FLII: variants seen among roughly 807,000 people sequenced by gnomAD.
The protein encoded by FLII is FLII actin remodeling protein, also known as protein flightless-1 homolog.
A neutral mutation model predicts 156.2 loss-of-function variants in FLII; 101 were observed. That is an observed-to-expected ratio of 0.65 (90% CI 0.55 to 0.76). FLII has a LOEUF of 0.76. Ranked by LOEUF, FLII falls within the 30% of genes least tolerant of loss-of-function variation. FLII has a pLI of 0.00. For synonymous variants in FLII, 767 were observed against 685.8 expected (o/e 1.12, Z -1.85); for missense variants, 1,675 against 1,682.8 (o/e 1.00, Z 0.08).
In FLII at chr17:18,254,195, CGTG is replaced by C; in HGVS notation, c.576-16_576-14del. The C allele has an allele frequency of 6.3e-7, 1 of 1,589,670 alleles. No homozygotes were observed. The highest frequency in any genetic ancestry group is 8.6e-7 in the Non-Finnish European group (1 of 1,167,548). Reference sequence around the variant, plus strand: ...CGCTGGGAGCTGCCTGCCAGGGTGACGTGAGTGGTCAGGGCCAGGGCCCACCTA... The same window carrying C: ...CGCTGGGAGCTGCCTGCCAGGGTGACAGTGGTCAGGGCCAGGGCCCACCTA... On this transcript the variant is annotated splice_polypyrimidine_tract_variant and intron_variant, in intron 6 of 29. Coordinates refer to ENST00000327031, the MANE Select transcript of FLII (RefSeq NM_002018.4).
intron 10 of FLII, 149 bp from the exon 11 acceptor site, chr17:18,252,295 G>T: frequency 1.1e-6 from 1 of 913,724 alleles, no homozygotes; most frequent in Non-Finnish European, 1.7e-6. Flanking sequence ...GGCTGGCTGG[G>T]GGCTTAAATG....
In FLII at chr17:18,245,834, T is replaced by G. The variant is rs932189279; in HGVS notation, c.3413A>C (p.Glu1138Ala). The G allele has an allele frequency of 5.6e-6, 9 of 1,613,958 alleles. No homozygotes were observed. The highest frequency in any genetic ancestry group is 5.1e-6 in the Non-Finnish European group (6 of 1,179,950). Reference sequence around the variant, plus strand: ...CACCCAGAAGAAGTTCTCAGGCTCCTCACCTTCGTTGATAACCTGCGGGAA... The same window carrying G: ...CACCCAGAAGAAGTTCTCAGGCTCCGCACCTTCGTTGATAACCTGCGGGAA... ...SYSKQVINEG[E>A]EPENFFWVGI... Residue 1138 changes from glutamate (E) to alanine (A), a missense_variant, in exon 27 of 30, where the codon GAG becomes GCG. Transcript: ENST00000327031.
intron 10 of FLII, among the ~76,000 whole-genome samples, 155 bp downstream of exon 10, chr17:18,252,317 T>C (rs1225443759): frequency 6.6e-6 from 1 of 152,182 alleles, no homozygotes; most frequent in Non-Finnish European, 1.5e-5. Flanking sequence ...GACTGTGGAA[T>C]GTACTCTGGA....
intron 10 of FLII, 136 bp from the exon 11 acceptor site, chr17:18,252,282 T>A: frequency 1.1e-6 from 1 of 909,900 alleles, no homozygotes; most frequent in Non-Finnish European, 1.7e-6. Context: ...CACCCACCTC[T>A]GGGGCTGGCT....
chr17:18,255,049 A>G (rs1313776675), intron 4 of FLII, 134 bp downstream of exon 4: 1 of 922,914 alleles, frequency 1.1e-6, no homozygotes, highest in Non-Finnish European at 1.8e-6. Flanking sequence ...GACCTCAGGC[A>G]AGGTATTATC....
At chr17:18,255,155 G>T in intron 4 of FLII, 28 bp downstream of exon 4, 1 of 1,554,380 alleles carries the variant, frequency 6.4e-7, no homozygotes, top group Non-Finnish European at 8.9e-7. Context: ...GGCTAGCACA[G>T]GGGCCAGGTG....
Position 18,245,035 on chromosome 17 carries a change from G to A in FLII, c.*103C>T, listed in dbSNP as rs758698251. The stretch of plus-strand genomic sequence containing the variant: ...GCTACTGGGGACTGTGGCACTGGAC[G>A]TGGCTGGAGCAGGTGGTGTCACCTG... On this transcript the variant is annotated 3_prime_UTR_variant, in exon 30 of 30. Transcript: ENST00000327031. 51 of 1,309,494 alleles carry A rather than the reference G, an allele frequency of 3.9e-5. No individual in the cohort carries two copies. The highest frequency in any genetic ancestry group is 1.2e-4 in the East Asian group (5 of 43,032). 81.1% of individuals were successfully genotyped at this position (1,309,494 alleles called of 1,614,324 possible).
intron 25 of FLII, 21 bp downstream of exon 25, chr17:18,246,141 G>A: frequency 6.2e-7 from 1 of 1,614,150 alleles, no homozygotes; most frequent in South Asian, 1.1e-5. Context: ...ACGGAGTCCT[G>A]GCTCACACCC....
In FLII at chr17:18,254,867, G is replaced by A. The variant is rs879005480; in HGVS notation, c.328-13C>T. On this transcript the variant is annotated splice_polypyrimidine_tract_variant and intron_variant, in intron 4 of 29. Transcript: ENST00000327031. ...TGTGGCTCAAGTCCTGGGTAGAAGG[G>A]GCAAGACCCAGGTCAGGGGAGTCTC... 3 of 1,613,682 alleles carry A rather than the reference G, an allele frequency of 1.9e-6. No individual in the cohort carries two copies. Among genetic ancestry groups the A allele is most frequent in the African/African-American group, 2.7e-5 (2 of 75,046 alleles).
chr17:18,244,888 C>CTGCTT lies in FLII; in HGVS notation c.*245_*249dup, dbSNP rs1387099160. 22 of 479,532 alleles carry CTGCTT rather than the reference C, an allele frequency of 4.6e-5. No homozygotes were observed. The highest frequency in any genetic ancestry group is 4.1e-4 in the African/African-American group (21 of 51,304). The allele number at this position is 479,532 out of a possible 1,614,324, so 29.7% of individuals were successfully genotyped here. A position where few individuals can be genotyped will look rare whatever the true frequency, so the allele number is the denominator to read the frequency against. The stretch of plus-strand genomic sequence containing the variant: ...AATATCTCTTAAAGGGCATCCACAT[C>CTGCTT]TGCTTTATCCCTAGCGGAAGAGTGA... On this transcript the variant is annotated 3_prime_UTR_variant, in exon 30 of 30. Transcript: ENST00000327031.
In FLII at chr17:18,245,096, CCTTCCT is replaced by C. The variant is rs2047980619; in HGVS notation, c.*36_*41del. The C allele has an allele frequency of 6.3e-7, 1 of 1,580,672 alleles. No individual in the cohort carries two copies. Among genetic ancestry groups the C allele is most frequent in the African/African-American group, 1.3e-5 (1 of 74,120 alleles). ...TTGCTAGCAGACAGTGGATGAGGCC[CCTTCCT>C]CTTCCTCACCAAGCCTGGGGCTGTG... On this transcript the variant is annotated 3_prime_UTR_variant, in exon 30 of 30. Coordinates refer to ENST00000327031, the MANE Select transcript of FLII (RefSeq NM_002018.4).
Position 18,248,815 on chromosome 17 carries a change from C to T in FLII, c.2003G>A (p.Ser668Asn), listed in dbSNP as rs1442708737. Reference sequence around the variant, plus strand: ...GTCCTTGTACCTGGCCTTGGTGGTGCTGCTCAGTGTGGCCTGGGCCCCCCG... The same window carrying T: ...GTCCTTGTACCTGGCCTTGGTGGTGTTGCTCAGTGTGGCCTGGGCCCCCCG... The part of the protein sequence containing the change: ...VWRGAQATLS[S>N]TTKARLFAEK... The change falls in exon 17 of 30, where the codon AGC becomes AAC. Residue 668 changes from serine (S) to asparagine (N), a missense_variant. Ser to Asn is a conservative substitution (Grantham distance 46). This residue lies in a region of FLII where 1,332 missense variants were observed against 1,269.3 expected (regional missense o/e 1.05). Coordinates refer to ENST00000327031, the MANE Select transcript of FLII (RefSeq NM_002018.4). 5 of 1,613,870 alleles carry T rather than the reference C, an allele frequency of 3.1e-6. No individual in the cohort carries two copies. In the African/African-American group the frequency reaches 6.7e-5, roughly 22 times the overall value.
In FLII at chr17:18,246,905, G is replaced by A. The variant is rs2048082168; in HGVS notation, c.2816+8C>T. 3 of 1,614,060 alleles carry A rather than the reference G, an allele frequency of 1.9e-6. No individual in the cohort carries two copies. The highest frequency in any genetic ancestry group is 2.5e-6 in the Non-Finnish European group (3 of 1,180,026). On this transcript the variant is annotated splice_region_variant and intron_variant, in intron 22 of 29. Transcript: ENST00000327031. The stretch of plus-strand genomic sequence containing the variant: ...AGGGACTTGGGGAAGGGAGTGCTGA[G>A]GTGGTACCTGCAGAGGAAGACGTAG...
Position 18,248,451 on chromosome 17 carries a change from G to C in FLII, c.2190+99C>G, listed in dbSNP as rs577940366. ...GTGGCACCCTCTCCCCACCAAAGTC[G>C]AGATGGAGCCCAAAGCCAACTACAT... On this transcript the variant is annotated intron_variant, in intron 18 of 29. Coordinates refer to ENST00000327031, the MANE Select transcript of FLII (RefSeq NM_002018.4). 69 of 1,186,336 alleles carry C rather than the reference G, an allele frequency of 5.8e-5. No individual in the cohort carries two copies. In the African/African-American group the frequency reaches 9.8e-4, roughly 17 times the overall value. 73.5% of individuals were successfully genotyped at this position (1,186,336 alleles called of 1,614,324 possible). A position where few individuals can be genotyped will look rare whatever the true frequency, so the allele number is the denominator to read the frequency against.
intron 20 of FLII, 126 bp downstream of exon 20, chr17:18,247,531 G>T: frequency 9.2e-7 from 1 of 1,081,616 alleles, no homozygotes; most frequent in Non-Finnish European, 1.3e-6. Flanking sequence ...GCGGGGCCTG[G>T]GCAGAGTCAG....
intron 1 of FLII, among the ~76,000 whole-genome samples, chr17:18,257,845 C>T (rs2048471405): frequency 6.6e-6 from 1 of 152,236 alleles, no homozygotes; most frequent in African/African-American, 2.4e-5. Flanking sequence ...GTCACCCACC[C>T]TGAAGGTGAG....
chr17:18,245,124 T>G lies in FLII; in HGVS notation c.*14A>C. 6.2e-7 allele frequency: 1 copy of G among 1,604,618 alleles called. No individual in the cohort carries two copies. The highest frequency in any genetic ancestry group is 8.5e-7 in the Non-Finnish European group (1 of 1,173,698). On this transcript the variant is annotated 3_prime_UTR_variant, in exon 30 of 30. Transcript: ENST00000327031. Reference sequence around the variant, plus strand: ...TCCTCTTCCTCACCAAGCCTGGGGCTGTGCCAGCCTGTCTTAGGCCAGGGC... The same window carrying G: ...TCCTCTTCCTCACCAAGCCTGGGGCGGTGCCAGCCTGTCTTAGGCCAGGGC...
chr17:18,246,693 C>T lies in FLII; in HGVS notation c.2952G>A (p.Val984=), dbSNP rs754927239. The T allele has an allele frequency of 3.7e-6, 6 of 1,613,748 alleles. No homozygotes were observed. Among genetic ancestry groups the T allele is most frequent in the Non-Finnish European group, 5.1e-6 (6 of 1,179,838 alleles). ...KQPEEDFQCI[V]YFWQGREASN... Reference sequence around the variant, plus strand: ...AGGCTTCACGGCCCTGCCAGAAGTACACGATGCACTGGAAGTCCTCCTCTG... The same window carrying T: ...AGGCTTCACGGCCCTGCCAGAAGTATACGATGCACTGGAAGTCCTCCTCTG... The change falls in exon 23 of 30, where the codon GTG becomes GTA. Residue 984 remains valine, a synonymous_variant. Coordinates refer to ENST00000327031, the MANE Select transcript of FLII (RefSeq NM_002018.4).
chr17:18,247,134 C>CG (rs771773861), intron 21 of FLII, 35 bp downstream of exon 21: 4 of 819,428 alleles, frequency 4.9e-6, no homozygotes, highest in Admixed American at 2.6e-5. Flanking sequence ...CCCCCCACCC[C>CG]CCCCCCCGCG....
Sources: gnomAD v4.1 joint callset for allele counts (sites outside exome capture counted in the v4.1 genomes callset) on GRCh38, gnomAD v4.1.1 for gene constraint, gnomAD v4.1.1 regional missense constraint, MANE v1.5 for transcripts, NCBI Gene and HGNC (gene_info 2026-07-23, HGNC 2026-07-21) for gene names.